RAPGEF5: variants seen among roughly 807,000 people sequenced by gnomAD.
The protein encoded by RAPGEF5 is M-Ras-regulated GEF.
RAPGEF5 carries 65 observed loss-of-function variants against 125.2 expected under a neutral mutation model. The observed-to-expected ratio is 0.52, with a 90% CI of 0.43 to 0.64. The LOEUF (loss-of-function observed/expected upper bound fraction) is 0.64, where lower values mean the gene tolerates loss of function less well. RAPGEF5 is among the 30% of genes least tolerant of loss of function. RAPGEF5 has a pLI of 0.00. For synonymous variants in RAPGEF5, 391 were observed against 385.9 expected (o/e 1.01, Z -0.16); for missense variants, 958 against 1,048.1 (o/e 0.91, Z 1.19).
rs552954813 is a variant in RAPGEF5 at position 22,207,724 on chromosome 7, G to A, written c.996+12142C>T. On this transcript the variant is annotated intron_variant, in intron 9 of 25. Transcript: ENST00000665637. The stretch of plus-strand genomic sequence containing the variant: ...AAAACAAATTCAATCAGTGAAACAC[G>A]CCAAGGACTATGTATAATATACTAA... Among the ~76,000 whole-genome samples the A allele has an allele frequency of 1.2e-4, 19 of 152,242 alleles. No homozygotes were observed. The South Asian group carries it at 2.1e-3, about 17-fold the overall frequency.
chr7:22,194,179 G>T (rs1785092726), intron 9 of RAPGEF5, 146 bp from the exon 10 acceptor site: 2 of 726,746 alleles, frequency 2.8e-6, no homozygotes, highest in Non-Finnish European at 4.4e-6. Context: ...TAAATTAGGA[G>T]TCTGGTCAAA....
chr7:22,251,768 T>G (rs1268651715), intron 7 of RAPGEF5, among the ~76,000 whole-genome samples: 1 of 64,162 alleles, frequency 1.6e-5, no homozygotes, highest in Non-Finnish European at 2.7e-5. Flanking sequence ...CCAGGAAGTT[T>G]CATTGACAAA....
At chr7:22,158,763 C>T (rs1783892707) in intron 14 of RAPGEF5, among the ~76,000 whole-genome samples, 1 of 151,976 alleles carries the variant, frequency 6.6e-6, no homozygotes, top group Non-Finnish European at 1.5e-5. Flanking sequence ...GTAGCTGGAA[C>T]TACAGGCATG....
rs1343932823 is a variant in RAPGEF5 at position 22,266,875 on chromosome 7, AG to A, written c.796+88del. On this transcript the variant is annotated intron_variant, in intron 7 of 25. Coordinates refer to ENST00000665637, the MANE Select transcript of RAPGEF5 (RefSeq NM_012294.5). ...TTGCATTCTACACCATAACTTCCTGAGATACACTCAACTGCACACTACCAGA... is the reference window on the plus strand; with the variant it reads ...TTGCATTCTACACCATAACTTCCTGAATACACTCAACTGCACACTACCAGA... 4 of 1,307,420 alleles carry A rather than the reference AG, an allele frequency of 3.1e-6. No individual in the cohort carries two copies. In the Admixed American group the frequency reaches 7.7e-5, roughly 25 times the overall value. 81.0% of individuals were successfully genotyped at this position (1,307,420 alleles called of 1,614,324 possible).
At chr7:22,270,886 T>G (rs1242195486) in intron 6 of RAPGEF5, among the ~76,000 whole-genome samples, 1 of 152,222 alleles carries the variant, frequency 6.6e-6, no homozygotes, top group Non-Finnish European at 1.5e-5. Context: ...CCTAGAGTTT[T>G]GCCACCAAAT....
chr7:22,187,852 G>A (rs1784870288), intron 11 of RAPGEF5, among the ~76,000 whole-genome samples: 1 of 152,196 alleles, frequency 6.6e-6, no homozygotes, highest in Non-Finnish European at 1.5e-5. Context: ...GTAAGACAAT[G>A]TTCTATTTCA....
Position 22,356,845 on chromosome 7 carries a change from G to A in RAPGEF5, c.216C>T (p.Ser72=). 8.6e-7 allele frequency: 1 copy of A among 1,165,520 alleles called. No homozygotes were observed. 72.2% of individuals were successfully genotyped at this position (1,165,520 alleles called of 1,614,324 possible). A position where few individuals can be genotyped will look rare whatever the true frequency, so the allele number is the denominator to read the frequency against. The part of the protein sequence containing the change: ...RSGLTLRRKR[S]AAGGRTLSRR... ...GGCCACTCACCCGGCCCCCAGCGGC[G>A]CTCCGCTTCCTCCGCAGCGTGAGCC... is the stretch of plus-strand genomic sequence containing the variant. Residue 72 remains serine, a synonymous_variant, in exon 1 of 26, where the codon AGC becomes AGT. Coordinates refer to ENST00000665637, the MANE Select transcript of RAPGEF5 (RefSeq NM_012294.5).
chr7:22,202,920 AG>A, intron 9 of RAPGEF5: 1 of 369,934 alleles, frequency 2.7e-6, no homozygotes, highest in African/African-American at 2.1e-5. Context: ...CAGTAAATAG[AG>A]GGCAGAAAAA....
intron 11 of RAPGEF5, among the ~76,000 whole-genome samples, chr7:22,176,274 G>T (rs1431500499): frequency 1.3e-5 from 2 of 152,132 alleles, no homozygotes; most frequent in Non-Finnish European, 2.9e-5. Flanking sequence ...CCCATGACAT[G>T]CAGGAATTGT....
intron 20 of RAPGEF5, among the ~76,000 whole-genome samples, chr7:22,140,432 A>C (rs1209194928): frequency 3.9e-5 from 6 of 152,126 alleles, no homozygotes; most frequent in African/African-American, 1.4e-4. Flanking sequence ...ATGTTTCTTT[A>C]TATACGCCCC....
intron 8 of RAPGEF5, 169 bp from the exon 9 acceptor site, chr7:22,220,160 C>T: frequency 1.3e-6 from 1 of 795,228 alleles, no homozygotes; most frequent in East Asian, 2.7e-5. Flanking sequence ...TTATTATAAC[C>T]TAAGAGCACC....
intron 17 of RAPGEF5, among the ~76,000 whole-genome samples, chr7:22,154,237 C>A (rs1045551166): frequency 2.6e-5 from 4 of 152,082 alleles, no homozygotes; most frequent in African/African-American, 7.2e-5. Context: ...CACTGGCATG[C>A]CTCTCTATTC....
At chr7:22,178,179 A>T (rs569352536) in intron 11 of RAPGEF5, among the ~76,000 whole-genome samples, 1 of 152,348 alleles carries the variant, frequency 6.6e-6, no homozygotes, top group African/African-American at 2.4e-5. Flanking sequence ...CCAGTTACAC[A>T]TATTTATATT....
intron 2 of RAPGEF5, among the ~76,000 whole-genome samples, chr7:22,316,483 A>ATT (rs1246659633): frequency 9.9e-4 from 30 of 30,444 alleles, no homozygotes; most frequent in East Asian, 3.9e-3. Flanking sequence ...ATATATATAT[A>ATT]TATATATTTT....
At chr7:22,189,566 C>A (rs540370120) in intron 11 of RAPGEF5, among the ~76,000 whole-genome samples, 15 of 152,094 alleles carry the variant, frequency 9.9e-5, no homozygotes, top group Non-Finnish European at 1.8e-4. Context: ...AAACCTCATG[C>A]CCAGTGATGT....
At chr7:22,273,429 A>G (rs995502959) in intron 6 of RAPGEF5, among the ~76,000 whole-genome samples, 2 of 151,420 alleles carry the variant, frequency 1.3e-5, no homozygotes, top group Admixed American at 6.6e-5. Flanking sequence ...CATGTTAGCC[A>G]GGATGGTCTC....
intron 11 of RAPGEF5, among the ~76,000 whole-genome samples, chr7:22,191,037 C>A (rs1169010595): frequency 6.6e-6 from 1 of 152,128 alleles, no homozygotes; most frequent in East Asian, 1.9e-4. Context: ...ATGGTTTATG[C>A]AACTCTCTTC....
At chr7:22,211,054 C>T (rs1368734754) in intron 9 of RAPGEF5, among the ~76,000 whole-genome samples, 4 of 152,148 alleles carry the variant, frequency 2.6e-5, no homozygotes, top group Non-Finnish European at 5.9e-5. Flanking sequence ...AAAAAATGTA[C>T]TGTACACTTG....
intron 7 of RAPGEF5, among the ~76,000 whole-genome samples, chr7:22,241,834 C>G (rs570596838): frequency 1.3e-5 from 2 of 152,250 alleles, no homozygotes; most frequent in South Asian, 4.1e-4. Flanking sequence ...TATTCCAACA[C>G]CCAAAGCAGA....
Sources: allele counts gnomAD v4.1 joint callset (sites outside exome capture counted in the v4.1 genomes callset), GRCh38; gene constraint gnomAD v4.1.1; transcripts MANE v1.5; gene names NCBI Gene and HGNC (gene_info 2026-07-23, HGNC 2026-07-21).